NR2C2: variants seen among roughly 807,000 people sequenced by gnomAD.
The protein encoded by NR2C2 is Nuclear hormone receptor TR4.
NR2C2 carries 6 observed loss-of-function variants against 62.9 expected under a neutral mutation model. The observed-to-expected ratio is 0.10, with a 90% CI of 0.05 to 0.19. NR2C2 has a LOEUF of 0.19. NR2C2 is among the 10% of genes least tolerant of loss of function. The pLI, the probability that NR2C2 is intolerant of heterozygous loss-of-function variation, is 1.00. For synonymous variants in NR2C2, 272 were observed against 273.8 expected, an observed-to-expected ratio of 0.99 and a Z score of 0.07; for missense variants, 479 against 762.7, an observed-to-expected ratio of 0.63 and a Z score of 4.38.
At chr3:14,959,570 G>A (rs1001374412) in intron 1 of NR2C2, 1 of 152,014 alleles carries the variant, frequency 6.6e-6, no homozygotes, top group Non-Finnish European at 1.5e-5. Flanking sequence ...TTTTTAAGCA[G>A]CTTCCAAAGC....
At chr3:14,997,332 C>G (rs989467004) in intron 1 of NR2C2, among the ~76,000 whole-genome samples, 1 of 152,192 alleles carries the variant, frequency 6.6e-6, no homozygotes, top group Non-Finnish European at 1.5e-5. Flanking sequence ...ATGAAATGAC[C>G]TAATGACACA....
chr3:14,984,625 A>C (rs78030123), intron 1 of NR2C2, among the ~76,000 whole-genome samples: 38 of 152,334 alleles, frequency 2.5e-4, no homozygotes, highest in Non-Finnish European at 3.7e-4. Flanking sequence ...ATTGTTGCAT[A>C]TATCAGTATT....
chr3:14,974,671 T>G (rs1367345830), intron 1 of NR2C2, among the ~76,000 whole-genome samples: 2 of 152,038 alleles, frequency 1.3e-5, no homozygotes, highest in Non-Finnish European at 2.9e-5. Context: ...TGGTACAATT[T>G]AGGCTCACTG....
chr3:14,953,164 GCCTCAGAGGCA>G (rs2039419772), intron 1 of NR2C2, among the ~76,000 whole-genome samples: 1 of 152,144 alleles, frequency 6.6e-6, no homozygotes, highest in African/African-American at 2.4e-5. Context: ...ATGAAAGTCA[GCCTCAGAGGCA>G]AGTGTGATTT....
chr3:14,964,166 A>T (rs2039770534), intron 1 of NR2C2, among the ~76,000 whole-genome samples: 1 of 152,238 alleles, frequency 6.6e-6, no homozygotes, highest in Admixed American at 6.5e-5. Flanking sequence ...TTCCTATGGC[A>T]TATTTCTGGT....
At chr3:15,002,198 T>C (rs7622842) in intron 1 of NR2C2, among the ~76,000 whole-genome samples, 23,018 of 152,254 alleles carry the variant, frequency 0.15, 1,990 homozygotes, top group Middle Eastern at 0.21. Flanking sequence ...CTAAGTATAC[T>C]GTATAGCTGT....
chr3:14,987,480 A>G (rs938535698), intron 1 of NR2C2, among the ~76,000 whole-genome samples: 1 of 152,180 alleles, frequency 6.6e-6, no homozygotes, highest in Non-Finnish European at 1.5e-5. Flanking sequence ...ATTTCTAGCA[A>G]TATTTGCTGG....
At chr3:14,970,277 T>A (rs546101601) in intron 1 of NR2C2, among the ~76,000 whole-genome samples, 1 of 21,758 alleles carries the variant, frequency 4.6e-5, no homozygotes, top group Non-Finnish European at 9.4e-5. Context: ...GGGTGGGGGG[T>A]GGGGGGGTGG....
chr3:15,043,233 T>G lies in NR2C2; in HGVS notation c.*225T>G. ...TGCCTTTTGATGAAGCAGCAGATTT[T>G]GGAACAATCTTTTAACTCAATTTGT... On this transcript the variant is annotated 3_prime_UTR_variant, in exon 14 of 14. Transcript: ENST00000425241. 1 of 371,384 alleles carries G rather than the reference T, an allele frequency of 2.7e-6. No individual in the cohort carries two copies. The highest frequency in any genetic ancestry group is 4.8e-6 in the Non-Finnish European group (1 of 210,458). The allele number at this position is 371,384 out of a possible 1,614,324, so 23.0% of individuals were successfully genotyped here. A position where few individuals can be genotyped will look rare whatever the true frequency, so the allele number is the denominator to read the frequency against.
At chr3:14,994,480 G>A (rs1479101930) in intron 1 of NR2C2, among the ~76,000 whole-genome samples, 1 of 114,630 alleles carries the variant, frequency 8.7e-6, no homozygotes, top group Non-Finnish European at 1.6e-5. Flanking sequence ...GTCTCACCCT[G>A]TCGCCAGGCT....
At chr3:15,005,282 G>T (rs1369279512) in intron 2 of NR2C2, among the ~76,000 whole-genome samples, 1 of 149,980 alleles carries the variant, frequency 6.7e-6, no homozygotes, top group Non-Finnish European at 1.5e-5. Flanking sequence ...TACCTCAGAG[G>T]CTCAAGCCAT....
rs879111629 is a variant in NR2C2 at position 15,004,666 on chromosome 3, G to C, written c.72+680G>C. 2.0e-4 allele frequency: 321 copies of C among 1,585,574 alleles called. 14 individuals carry two copies. The South Asian group carries it at 2.6e-3, about 13-fold the overall frequency. On this transcript the variant is annotated intron_variant, in intron 2 of 13. Transcript: ENST00000425241. ...AGCTGGGAGGAAGGGATAATATATT[G>C]ATGACAAAGATTTATTGTTATCTCA...
intron 2 of NR2C2, among the ~76,000 whole-genome samples, chr3:15,007,615 C>CT (rs2041223296): frequency 6.6e-6 from 1 of 152,164 alleles, no homozygotes; most frequent in Non-Finnish European, 1.5e-5. Flanking sequence ...ATGCCACTGT[C>CT]TAACACAGTG....
At chr3:14,986,453 A>C (rs1206839028) in intron 1 of NR2C2, among the ~76,000 whole-genome samples, 1 of 152,204 alleles carries the variant, frequency 6.6e-6, no homozygotes, top group African/African-American at 2.4e-5. Flanking sequence ...CTTATGATAA[A>C]AACGGTTGAC....
intron 1 of NR2C2, among the ~76,000 whole-genome samples, chr3:14,963,000 A>G (rs1301575933): frequency 6.6e-6 from 1 of 152,182 alleles, no homozygotes; most frequent in African/African-American, 2.4e-5. Context: ...GTTGAGAAGT[A>G]TAATTCCATG....
At chr3:15,030,496 G>C in intron 9 of NR2C2, 44 bp downstream of exon 9, 1 of 1,521,376 alleles carries the variant, frequency 6.6e-7, no homozygotes, top group African/African-American at 1.4e-5. Flanking sequence ...CCTGCTGGGG[G>C]ATAGGTTCTG....
At chr3:15,009,486 A>G (rs1007507290) in intron 2 of NR2C2, among the ~76,000 whole-genome samples, 9 of 152,180 alleles carry the variant, frequency 5.9e-5, no homozygotes, top group African/African-American at 2.2e-4. Flanking sequence ...TTACTAACAT[A>G]TCAATCATGT....
At chr3:14,963,098 A>G (rs540566944) in intron 1 of NR2C2, among the ~76,000 whole-genome samples, 8 of 152,332 alleles carry the variant, frequency 5.3e-5, no homozygotes, top group African/African-American at 1.9e-4. Flanking sequence ...TTTGTGGTAG[A>G]TTCTGGGGAG....
At chr3:15,004,194 A>G (rs1029510778) in intron 2 of NR2C2, among the ~76,000 whole-genome samples, 5 of 152,264 alleles carry the variant, frequency 3.3e-5, no homozygotes, top group African/African-American at 1.2e-4. Context: ...TGTTGTTTCA[A>G]ACCATTGAGA....
Sources: allele counts gnomAD v4.1 joint callset (sites outside exome capture counted in the v4.1 genomes callset), GRCh38; gene constraint gnomAD v4.1.1; transcripts MANE v1.5; gene names NCBI Gene and HGNC (gene_info 2026-07-23, HGNC 2026-07-21).